Variants in KPNA6 observed in about 807,000 individuals in gnomAD.
The protein encoded by KPNA6 is importin subunit alpha-7.
Under a neutral mutation model 72.0 loss-of-function variants are expected in KPNA6, and 9 were observed. That is an observed-to-expected ratio of 0.13 (90% CI 0.08 to 0.22). KPNA6 has a LOEUF of 0.22. KPNA6 is among the 10% of genes least tolerant of loss of function. The pLI is 1.00. For missense variants in KPNA6, 374 were observed against 655.7 expected (o/e 0.57, Z 4.69); for synonymous variants, 219 against 242.1 (o/e 0.90, Z 0.89).
intron 1 of KPNA6, among the ~76,000 whole-genome samples, chr1:32,116,932 A>G (rs1641337438): frequency 6.6e-6 from 1 of 152,192 alleles, no homozygotes; most frequent in African/African-American, 2.4e-5. Context: ...GATCATACAC[A>G]GTATTTATCA....
rs564282711 is a variant in KPNA6 at position 32,172,562 on chromosome 1, G to A, written c.*1668G>A. ...GTTTGGGATCCTTGTACCTGGTTTG[G>A]GTTTTCCCTTCCTTGTGACAATTAT... On this transcript the variant is annotated 3_prime_UTR_variant, in exon 14 of 14. Transcript: ENST00000373625. The A allele has an allele frequency of 6.7e-6, 1 of 150,190 alleles. No individual in the cohort carries two copies. The highest frequency in any genetic ancestry group is 2.0e-4 in the East Asian group (1 of 5,114). 9.3% of individuals were successfully genotyped at this position (150,190 alleles called of 1,614,324 possible).
intron 1 of KPNA6, among the ~76,000 whole-genome samples, chr1:32,118,970 A>ATGTGTG (rs749379355): frequency 0.023 from 2,937 of 126,120 alleles, 97 homozygotes; most frequent in South Asian, 0.063. Context: ...CAAGCCATAT[A>ATGTGTG]TATGTGTGTG....
At chr1:32,170,598 T>TGATCATA in intron 13 of KPNA6, 109 bp from the exon 14 acceptor site, 1 of 832,562 alleles carries the variant, frequency 1.2e-6, no homozygotes, top group Non-Finnish European at 2.0e-6. Flanking sequence ...ATCATATGAC[T>TGATCATA]TGTGTTTGTA....
intron 6 of KPNA6, among the ~76,000 whole-genome samples, chr1:32,160,204 A>G (rs552469631): frequency 2.6e-5 from 4 of 151,642 alleles, no homozygotes; most frequent in Non-Finnish European, 5.9e-5. Context: ...GAGGCTTGAG[A>G]CAGGAGAATC....
chr1:32,144,656 CT>C (rs34038395), intron 1 of KPNA6, among the ~76,000 whole-genome samples: 98 of 146,352 alleles, frequency 6.7e-4, no homozygotes, highest in Admixed American at 6.9e-4. Context: ...GTTTTTAAAA[CT>C]TTTTTTTTTT....
intron 13 of KPNA6, among the ~76,000 whole-genome samples, chr1:32,170,444 A>G (rs372921649): frequency 3.2e-4 from 48 of 152,310 alleles, no homozygotes; most frequent in African/African-American, 1.1e-3. Context: ...TGAGAGGCTG[A>G]TGATGTGCCC....
intron 1 of KPNA6, among the ~76,000 whole-genome samples, chr1:32,131,551 A>T (rs763448697): frequency 6.6e-6 from 1 of 151,952 alleles, no homozygotes; most frequent in Admixed American, 6.6e-5. Flanking sequence ...ATACAACCAC[A>T]TACATACATA....
intron 12 of KPNA6, among the ~76,000 whole-genome samples, chr1:32,168,498 A>G (rs1294317240): frequency 6.6e-6 from 1 of 152,122 alleles, no homozygotes; most frequent in Non-Finnish European, 1.5e-5. Context: ...GTACTCTTTT[A>G]TTTTAGTTTA....
At chr1:32,138,056 A>T (rs1379512273) in intron 1 of KPNA6, among the ~76,000 whole-genome samples, 1 of 151,220 alleles carries the variant, frequency 6.6e-6, no homozygotes, top group Non-Finnish European at 1.5e-5. Flanking sequence ...AATCGCATCA[A>T]CCCGGGAGGC....
chr1:32,152,904 T>C (rs755602170), intron 1 of KPNA6, among the ~76,000 whole-genome samples: 2 of 149,582 alleles, frequency 1.3e-5, no homozygotes, highest in Non-Finnish European at 3.0e-5. Flanking sequence ...CAATCCCAGC[T>C]GCTTGGGAGG....
chr1:32,159,369 C>G, intron 5 of KPNA6, 31 bp from the exon 6 acceptor site: 1 of 1,611,706 alleles, frequency 6.2e-7, no homozygotes. Flanking sequence ...TCTGAAATGA[C>G]CTTTCAATCA....
chr1:32,119,009 T>A, intron 1 of KPNA6, among the ~76,000 whole-genome samples: 1 of 66,700 alleles, frequency 1.5e-5, no homozygotes. Context: ...TATATATATA[T>A]ATATATATAT....
At chr1:32,167,114 TATC>T in intron 11 of KPNA6, 52 bp from the exon 12 acceptor site, 1 of 1,594,940 alleles carries the variant, frequency 6.3e-7, no homozygotes, top group South Asian at 1.1e-5. Flanking sequence ...TAGATTTATT[TATC>T]ATGCTGAAAT....
At chr1:32,147,898 G>A (rs1183728114) in intron 1 of KPNA6, among the ~76,000 whole-genome samples, 2 of 151,688 alleles carry the variant, frequency 1.3e-5, no homozygotes, top group Admixed American at 6.6e-5. Context: ...GGTCTCCAAC[G>A]CAAGCCATTC....
chr1:32,148,223 G>GC (rs1479967908), intron 1 of KPNA6, among the ~76,000 whole-genome samples: 9 of 151,840 alleles, frequency 5.9e-5, no homozygotes, highest in South Asian at 4.2e-4. Flanking sequence ...TCCTGTCTTA[G>GC]CCCCCCCACT....
chr1:32,126,351 G>T (rs1315107279), intron 1 of KPNA6, among the ~76,000 whole-genome samples: 1 of 123,380 alleles, frequency 8.1e-6, no homozygotes, highest in African/African-American at 3.1e-5. Context: ...GTTCCCTCTA[G>T]GTGTTAGGTA....
At chr1:32,119,743 ATTTTTTT>A (rs4012180) in intron 1 of KPNA6, among the ~76,000 whole-genome samples, 1 of 124,530 alleles carries the variant, frequency 8.0e-6, no homozygotes, top group Non-Finnish European at 1.7e-5. Flanking sequence ...GAAATCTGGA[ATTTTTTT>A]TTTTTTTTTT....
Position 32,173,336 on chromosome 1 carries a change from C to T in KPNA6, c.*2442C>T. The T allele has an allele frequency of 2.6e-6, 1 of 380,172 alleles. No homozygotes were observed. Among genetic ancestry groups the T allele is most frequent in the Non-Finnish European group, 4.6e-6 (1 of 215,058 alleles). The allele number at this position is 380,172 out of a possible 1,614,324, so 23.5% of individuals were successfully genotyped here. On this transcript the variant is annotated 3_prime_UTR_variant, in exon 14 of 14. Coordinates refer to ENST00000373625, the MANE Select transcript of KPNA6 (RefSeq NM_012316.5). ...GTAAGACATACACATCCTGCTTGTC[C>T]AGCTGTTCCTCCAAAATCTACTTTG...
chr1:32,160,299 C>CCAA (rs1491202458), intron 6 of KPNA6, among the ~76,000 whole-genome samples: 4 of 77,364 alleles, frequency 5.2e-5, no homozygotes, highest in Non-Finnish European at 1.1e-4. Context: ...GACTCCGTCT[C>CCAA]AAAAAAAAAA....
Sources: allele counts gnomAD v4.1 joint callset (sites outside exome capture counted in the v4.1 genomes callset), GRCh38; gene constraint gnomAD v4.1.1; transcripts MANE v1.5; gene names NCBI Gene and HGNC (gene_info 2026-07-23, HGNC 2026-07-21).